Variants in LRMDA observed in about 807,000 individuals in gnomAD.
LRMDA encodes the protein leucine rich melanocyte differentiation associated.
In LRMDA, 18 loss-of-function variants were observed where a neutral mutation model predicts 29.8. The ratio of observed to expected loss-of-function variants is 0.60; its 90% CI spans 0.42 to 0.90. The LOEUF (loss-of-function observed/expected upper bound fraction) is 0.90, where lower values mean the gene tolerates loss of function less well. Ranked by LOEUF, LRMDA falls within the 40% of genes least tolerant of loss-of-function variation. The probability of loss-of-function intolerance (pLI) is 0.00; values close to 1 mark genes in which losing one functional copy is unlikely to be tolerated. For synonymous variants in LRMDA, 125 were observed against 109.4 expected (o/e 1.14, Z -0.89); for missense variants, 273 against 273.9 (o/e 1.00, Z 0.02).
chr10:76,527,761 A>T (rs1843193028), intron 6 of LRMDA, among the ~76,000 whole-genome samples: 3 of 152,166 alleles, frequency 2.0e-5, no homozygotes, highest in Admixed American at 2.0e-4. Flanking sequence ...CAAACTCTAA[A>T]ACTCCATGGG....
chr10:75,904,622 C>T (rs1386068648), intron 2 of LRMDA, among the ~76,000 whole-genome samples: 2 of 152,124 alleles, frequency 1.3e-5, no homozygotes, highest in African/African-American at 2.4e-5. Flanking sequence ...AATGTCACAG[C>T]GAGGGAATTG....
chr10:75,523,412 G>T (rs560842891), intron 2 of LRMDA, among the ~76,000 whole-genome samples: 2 of 152,150 alleles, frequency 1.3e-5, no homozygotes, highest in African/African-American at 2.4e-5. Context: ...TAAAACAGGC[G>T]CCCAGTTCTG....
At chr10:75,839,030 G>A (rs1305185956) in intron 2 of LRMDA, among the ~76,000 whole-genome samples, 5 of 152,132 alleles carry the variant, frequency 3.3e-5, no homozygotes, top group African/African-American at 1.2e-4. Flanking sequence ...GGGAGTCAAA[G>A]GGAAGGGGAA....
At chr10:75,798,830 A>G (rs1284221315) in intron 2 of LRMDA, among the ~76,000 whole-genome samples, 1 of 152,124 alleles carries the variant, frequency 6.6e-6, no homozygotes, top group African/African-American at 2.4e-5. Context: ...TGATCACTAT[A>G]TACATTACAT....
At chr10:76,011,997 G>C (rs958958251) in intron 2 of LRMDA, among the ~76,000 whole-genome samples, 6 of 152,178 alleles carry the variant, frequency 3.9e-5, no homozygotes, top group African/African-American at 1.4e-4. Context: ...GAGGCTGGCC[G>C]TAGAACTCCA....
chr10:76,006,780 A>G (rs534180353), intron 2 of LRMDA, among the ~76,000 whole-genome samples: 1 of 152,302 alleles, frequency 6.6e-6, no homozygotes, highest in South Asian at 2.1e-4. Context: ...TGATCCTACT[A>G]AATAATAAAC....
intron 2 of LRMDA, among the ~76,000 whole-genome samples, chr10:75,855,346 G>T (rs1349229578): frequency 1.3e-5 from 2 of 152,122 alleles, no homozygotes; most frequent in African/African-American, 2.4e-5. Context: ...TCATGTGTCT[G>T]TTGGCTGCAT....
intron 5 of LRMDA, among the ~76,000 whole-genome samples, chr10:76,073,631 G>T (rs1233708700): frequency 5.9e-5 from 9 of 152,086 alleles, no homozygotes; most frequent in African/African-American, 2.2e-4. Flanking sequence ...GGCTTATTGG[G>T]TCACAAGGTG....
chr10:76,143,774 A>C (rs537344107), intron 5 of LRMDA, among the ~76,000 whole-genome samples: 4 of 152,302 alleles, frequency 2.6e-5, no homozygotes, highest in Non-Finnish European at 4.4e-5. Context: ...GCCCATGCCT[A>C]TGTCCTGAAT....
At chr10:76,312,979 A>G (rs1194188794) in intron 5 of LRMDA, among the ~76,000 whole-genome samples, 1 of 152,132 alleles carries the variant, frequency 6.6e-6, no homozygotes, top group Non-Finnish European at 1.5e-5. Flanking sequence ...AATCATAGCT[A>G]ACATCCATGA....
intron 2 of LRMDA, among the ~76,000 whole-genome samples, chr10:75,839,704 T>C (rs972795525): frequency 1.4e-4 from 19 of 134,804 alleles, no homozygotes; most frequent in Admixed American, 4.3e-4. Flanking sequence ...GACTTTCTTT[T>C]TTTTTTTTTT....
chr10:76,457,603 G>A (rs1842470484), intron 6 of LRMDA, among the ~76,000 whole-genome samples: 1 of 152,100 alleles, frequency 6.6e-6, no homozygotes, highest in Non-Finnish European at 1.5e-5. Flanking sequence ...GCCATGATGT[G>A]CCCTGTAGAG....
In LRMDA at chr10:76,020,556, G is replaced by A. The variant is rs560200045; in HGVS notation, c.132-15452G>A. ...TTTTATTCCTTCAACCCCAGTGCAG[G>A]CCCCTCACTCTAAGGTGAGGACATC... On this transcript the variant is annotated intron_variant, in intron 2 of 6. Coordinates refer to ENST00000611255, the MANE Select transcript of LRMDA (RefSeq NM_001305581.2). Among the ~76,000 whole-genome samples the A allele has an allele frequency of 3.3e-5, 5 of 152,184 alleles. No individual in the cohort carries two copies. The East Asian group carries it at 9.7e-4, about 29-fold the overall frequency.
At chr10:75,603,098 C>T (rs997939948) in intron 2 of LRMDA, among the ~76,000 whole-genome samples, 1 of 151,946 alleles carries the variant, frequency 6.6e-6, no homozygotes, top group African/African-American at 2.4e-5. Context: ...TAAAGAGGGC[C>T]CTTATATCTT....
intron 2 of LRMDA, among the ~76,000 whole-genome samples, chr10:75,563,951 C>T (rs1026406651): frequency 6.6e-6 from 1 of 152,212 alleles, no homozygotes. Context: ...CTGGAAGGTG[C>T]CTCCCAGTTA....
intron 2 of LRMDA, chr10:75,552,570 C>A: frequency 2.1e-6 from 1 of 480,706 alleles, no homozygotes; most frequent in South Asian, 1.5e-5. Context: ...CCCCTCATCC[C>A]CTACTTGGGA....
intron 2 of LRMDA, among the ~76,000 whole-genome samples, chr10:75,468,983 G>A (rs1184386863): frequency 5.9e-5 from 9 of 152,130 alleles, no homozygotes; most frequent in Non-Finnish European, 1.0e-4. Flanking sequence ...TTTGGAAAGA[G>A]TAGACAGAAA....
chr10:75,668,911 C>T (rs750269541), intron 2 of LRMDA, among the ~76,000 whole-genome samples: 52 of 152,212 alleles, frequency 3.4e-4, no homozygotes, highest in Non-Finnish European at 6.8e-4. Context: ...TCCCTGCCCT[C>T]ATGAGGTTAG....
intron 2 of LRMDA, among the ~76,000 whole-genome samples, chr10:75,787,856 C>G (rs550275426): frequency 6.6e-6 from 1 of 152,142 alleles, no homozygotes; most frequent in Non-Finnish European, 1.5e-5. Flanking sequence ...GGTGAAACTC[C>G]GTTTCTACTA....
Sources: gnomAD v4.1 joint callset for allele counts (sites outside exome capture counted in the v4.1 genomes callset) on GRCh38, gnomAD v4.1.1 for gene constraint, MANE v1.5 for transcripts, NCBI Gene and HGNC (gene_info 2026-07-23, HGNC 2026-07-21) for gene names.